Variants in CLIC4 observed in about 807,000 individuals in gnomAD.
CLIC4 encodes CLIC family member 4.
In CLIC4, 13 loss-of-function variants were observed where a neutral mutation model predicts 24.6. The ratio of observed to expected loss-of-function variants is 0.53; its 90% confidence interval spans 0.34 to 0.84. The LOEUF (loss-of-function observed/expected upper bound fraction) is 0.84, where lower values mean the gene tolerates loss of function less well. Ranked by LOEUF, CLIC4 falls within the 40% of genes least tolerant of loss-of-function variation. CLIC4 has a pLI of 0.01. For missense variants in CLIC4, 227 were observed against 301.7 expected, an observed-to-expected ratio of 0.75 and a Z score of 1.83; for synonymous variants, 104 against 111.3, an observed-to-expected ratio of 0.93 and a Z score of 0.41.
At chr1:24,751,426 A>C (rs1291777029) in intron 1 of CLIC4, among the ~76,000 whole-genome samples, 1 of 151,980 alleles carries the variant, frequency 6.6e-6, no homozygotes, top group East Asian at 1.9e-4. Context: ...TTTGTAGTAG[A>C]GACGGGGTTT....
intron 3 of CLIC4, among the ~76,000 whole-genome samples, chr1:24,815,031 G>A (rs1184849112): frequency 6.6e-6 from 1 of 152,132 alleles, no homozygotes; most frequent in Non-Finnish European, 1.5e-5. Flanking sequence ...ACCATTGCGA[G>A]TTAGGTTCCA....
chr1:24,760,193 C>T (rs1471156331), intron 1 of CLIC4, among the ~76,000 whole-genome samples: 4 of 151,756 alleles, frequency 2.6e-5, no homozygotes, highest in African/African-American at 7.3e-5. Flanking sequence ...GGGGAAACCC[C>T]GTCTCTACTA....
chr1:24,764,824 ACT>A (rs987421158), intron 1 of CLIC4, among the ~76,000 whole-genome samples: 3 of 150,990 alleles, frequency 2.0e-5, no homozygotes, highest in African/African-American at 4.9e-5. Flanking sequence ...TTGTGTTTTA[ACT>A]CTCTCTCACT....
intron 1 of CLIC4, among the ~76,000 whole-genome samples, chr1:24,785,854 C>CAAAAAAAAAAAAAAAAAAAAA (rs61009244): frequency 1.4e-3 from 83 of 58,772 alleles, no homozygotes; most frequent in Non-Finnish European, 1.6e-3. Flanking sequence ...GACTACAACT[C>CAAAAAAAAAAAAAAAAAAAAA]AAAAAAAAAA....
At chr1:24,751,202 C>A (rs1638770189) in intron 1 of CLIC4, among the ~76,000 whole-genome samples, 1 of 139,586 alleles carries the variant, frequency 7.2e-6, no homozygotes, top group Non-Finnish European at 1.5e-5. Flanking sequence ...TTTAATACTT[C>A]CAGTCTTTTT....
intron 1 of CLIC4, among the ~76,000 whole-genome samples, chr1:24,751,783 G>A (rs1006174542): frequency 6.6e-6 from 1 of 152,224 alleles, no homozygotes; most frequent in Non-Finnish European, 1.5e-5. Flanking sequence ...AGAATCACTT[G>A]AACCCGGGAA....
intron 1 of CLIC4, among the ~76,000 whole-genome samples, chr1:24,757,739 T>A (rs1202906889): frequency 6.6e-6 from 1 of 152,118 alleles, no homozygotes; most frequent in Admixed American, 6.5e-5. Context: ...CTGAAATGAA[T>A]TTTTTTCTTT....
At chr1:24,813,042 C>CT (rs766894932) in intron 2 of CLIC4, among the ~76,000 whole-genome samples, 6,271 of 114,042 alleles carry the variant, frequency 0.055, 280 homozygotes, top group Middle Eastern at 0.092. Context: ...TTCTTTCTTT[C>CT]TTTCTTTTTT....
At chr1:24,831,411 TTATA>T (rs1639839446) in intron 4 of CLIC4, among the ~76,000 whole-genome samples, 3 of 152,136 alleles carry the variant, frequency 2.0e-5, no homozygotes, top group African/African-American at 7.2e-5. Context: ...TATTTGATTT[TTATA>T]TATATAATTC....
intron 5 of CLIC4, among the ~76,000 whole-genome samples, chr1:24,840,411 G>A (rs1639931118): frequency 1.3e-5 from 2 of 152,242 alleles, no homozygotes; most frequent in African/African-American, 4.8e-5. Flanking sequence ...ACTGGGCTGG[G>A]CACATTGTTA....
In CLIC4 at chr1:24,841,709, C is replaced by T. The variant is rs377154979; in HGVS notation, c.*772C>T. On this transcript the variant is annotated 3_prime_UTR_variant, in exon 6 of 6. Transcript: ENST00000374379. ...GGGCACCTGATACTCTGTCTAAATA[C>T]GTTTGTTATATGTGTTTTGCCCTGT... 1 of 152,506 alleles carries T rather than the reference C, an allele frequency of 6.6e-6. No individual in the cohort carries two copies. Among genetic ancestry groups the T allele is most frequent in the Non-Finnish European group, 1.5e-5 (1 of 68,022 alleles). 9.4% of individuals were successfully genotyped at this position (152,506 alleles called of 1,614,324 possible).
At chr1:24,784,928 C>T (rs935117032) in intron 1 of CLIC4, among the ~76,000 whole-genome samples, 3 of 148,520 alleles carry the variant, frequency 2.0e-5, no homozygotes, top group East Asian at 3.9e-4. Flanking sequence ...GGCGTGAACC[C>T]GGGAGGCGGA....
intron 1 of CLIC4, among the ~76,000 whole-genome samples, chr1:24,774,098 G>A (rs1176450156): frequency 6.6e-6 from 1 of 151,768 alleles, no homozygotes; most frequent in Non-Finnish European, 1.5e-5. Context: ...TCAGCCTCCC[G>A]AGTAGCTGGG....
intron 2 of CLIC4, among the ~76,000 whole-genome samples, chr1:24,800,552 C>T (rs1481253463): frequency 6.6e-6 from 1 of 152,214 alleles, no homozygotes; most frequent in Non-Finnish European, 1.5e-5. Context: ...GCCACCACCC[C>T]GTCTGGGAGG....
intron 1 of CLIC4, 44 bp downstream of exon 1, chr1:24,745,669 C>G (rs781179799): frequency 1.3e-6 from 2 of 1,487,976 alleles, no homozygotes; most frequent in Admixed American, 2.2e-5. Context: ...TCCCCCGGCT[C>G]CCTCCCGGCT....
At chr1:24,747,548 A>AAG (rs1008066748) in intron 1 of CLIC4, among the ~76,000 whole-genome samples, 4 of 150,616 alleles carry the variant, frequency 2.7e-5, no homozygotes, top group African/African-American at 7.3e-5. Context: ...AAAAAAAAAA[A>AAG]AAAGAAAGAA....
intron 1 of CLIC4, chr1:24,778,036 C>CATTAT (rs1639161880): frequency 6.6e-6 from 1 of 152,132 alleles, no homozygotes; most frequent in African/African-American, 2.4e-5. Context: ...TTGTGGCCTA[C>CATTAT]ATTATATTGG....
At chr1:24,755,701 TAAA>T (rs145789397) in intron 1 of CLIC4, among the ~76,000 whole-genome samples, 1 of 149,954 alleles carries the variant, frequency 6.7e-6, no homozygotes, top group Non-Finnish European at 1.5e-5. Context: ...AAAACAAAAT[TAAA>T]AAAAAAATAA....
At chr1:24,804,872 A>C (rs1639531216) in intron 2 of CLIC4, among the ~76,000 whole-genome samples, 2 of 151,838 alleles carry the variant, frequency 1.3e-5, no homozygotes, top group Admixed American at 6.6e-5. Context: ...AGGCCGGGGC[A>C]GGTGATCACT....
Sources: allele counts gnomAD v4.1 joint callset (sites outside exome capture counted in the v4.1 genomes callset), GRCh38; gene constraint gnomAD v4.1.1; transcripts MANE v1.5; gene names NCBI Gene and HGNC (gene_info 2026-07-23, HGNC 2026-07-21).